Variants in SLC9A9 observed in about 807,000 individuals in gnomAD.
The protein encoded by SLC9A9 is solute carrier family 9 member A9.
Under a neutral mutation model 77.8 loss-of-function variants are expected in SLC9A9, and 62 were observed. The observed-to-expected ratio is 0.80, with a 90% CI of 0.65 to 0.98. The LOEUF is 0.98. Among genes scored for constraint, SLC9A9 ranks in the 50% least tolerant of loss-of-function variants. The probability of loss-of-function intolerance (pLI) is 0.00; values close to 1 mark genes in which losing one functional copy is unlikely to be tolerated. For synonymous variants in SLC9A9, 320 were observed against 283.5 expected (o/e 1.13, Z -1.29); for missense variants, 775 against 774.9 (o/e 1.00, Z 0.00).
intron 12 of SLC9A9, among the ~76,000 whole-genome samples, chr3:143,383,513 A>C (rs1443195731): frequency 6.6e-6 from 1 of 152,220 alleles, no homozygotes; most frequent in Non-Finnish European, 1.5e-5. Flanking sequence ...GTTGAACCCA[A>C]CTGTGTTGAA....
chr3:143,412,243 G>A (rs2034109039), intron 12 of SLC9A9, among the ~76,000 whole-genome samples: 1 of 152,062 alleles, frequency 6.6e-6, no homozygotes, highest in Non-Finnish European at 1.5e-5. Context: ...TGCTCTCCCT[G>A]ACAGGTCCTC....
intron 12 of SLC9A9, among the ~76,000 whole-genome samples, chr3:143,437,425 C>T (rs1023479404): frequency 6.6e-6 from 1 of 152,210 alleles, no homozygotes; most frequent in Non-Finnish European, 1.5e-5. Context: ...CACAGGATGG[C>T]TAGAGGAAGT....
At chr3:143,448,420 C>T (rs1468999940) in intron 12 of SLC9A9, among the ~76,000 whole-genome samples, 1 of 152,046 alleles carries the variant, frequency 6.6e-6, no homozygotes, top group Admixed American at 6.6e-5. Context: ...AGATGTTTTA[C>T]TGAATGAGGA....
At chr3:143,594,100 T>G (rs926774584) in intron 6 of SLC9A9, among the ~76,000 whole-genome samples, 5 of 152,118 alleles carry the variant, frequency 3.3e-5, no homozygotes, top group Non-Finnish European at 5.9e-5. Context: ...AAAAAAGAGC[T>G]TAATTGGTAA....
At chr3:143,714,174 C>A (rs928269101) in intron 4 of SLC9A9, among the ~76,000 whole-genome samples, 1 of 152,204 alleles carries the variant, frequency 6.6e-6, no homozygotes, top group Non-Finnish European at 1.5e-5. Context: ...TCCCAGATGA[C>A]CATACAGAAA....
chr3:143,491,765 G>A (rs1320402310), intron 11 of SLC9A9, among the ~76,000 whole-genome samples: 2 of 152,108 alleles, frequency 1.3e-5, no homozygotes, highest in East Asian at 3.9e-4. Flanking sequence ...GTCAAATAAA[G>A]CAATGTTTAA....
chr3:143,402,698 G>A (rs1035195583), intron 12 of SLC9A9, among the ~76,000 whole-genome samples: 18 of 150,506 alleles, frequency 1.2e-4, no homozygotes, highest in African/African-American at 4.4e-4. Context: ...TTGTTTGCAT[G>A]GTGTATCTTT....
chr3:143,286,446 C>T (rs1318871124), intron 14 of SLC9A9, among the ~76,000 whole-genome samples: 1 of 152,148 alleles, frequency 6.6e-6, no homozygotes, highest in Non-Finnish European at 1.5e-5. Flanking sequence ...CACAGGAGCC[C>T]GATGCCATTC....
intron 12 of SLC9A9, among the ~76,000 whole-genome samples, chr3:143,433,005 A>T (rs772432847): frequency 1.4e-4 from 22 of 152,350 alleles, no homozygotes; most frequent in Non-Finnish European, 2.9e-4. Context: ...CAGCAGCACC[A>T]ATCAGCCCTG....
intron 5 of SLC9A9, among the ~76,000 whole-genome samples, chr3:143,667,110 C>T (rs905241216): frequency 6.6e-6 from 1 of 152,192 alleles, no homozygotes; most frequent in African/African-American, 2.4e-5. Context: ...ACTAAAACAG[C>T]ATGGTACTGG....
intron 1 of SLC9A9, among the ~76,000 whole-genome samples, chr3:143,836,386 G>A (rs1341287100): frequency 6.6e-6 from 1 of 152,128 alleles, no homozygotes; most frequent in Non-Finnish European, 1.5e-5. Context: ...GGGCAGAATT[G>A]TAGCCCAACT....
chr3:143,454,534 C>T (rs1408533336), intron 12 of SLC9A9, among the ~76,000 whole-genome samples: 2 of 151,996 alleles, frequency 1.3e-5, no homozygotes, highest in Non-Finnish European at 2.9e-5. Flanking sequence ...ATTTTTTGGC[C>T]TACGGATATT....
chr3:143,363,434 A>C, intron 14 of SLC9A9, 50 bp downstream of exon 14: 1 of 1,545,570 alleles, frequency 6.5e-7, no homozygotes, highest in Non-Finnish European at 8.9e-7. Flanking sequence ...AGCTTAAAGT[A>C]ATTCTCTGCC....
intron 4 of SLC9A9, among the ~76,000 whole-genome samples, chr3:143,775,913 G>T (rs1046758372): frequency 9.2e-5 from 14 of 152,042 alleles, no homozygotes; most frequent in African/African-American, 2.7e-4. Flanking sequence ...ACACACCGTG[G>T]TGCCTTTAAG....
intron 1 of SLC9A9, among the ~76,000 whole-genome samples, chr3:143,842,544 C>T (rs570629816): frequency 6.6e-6 from 1 of 152,298 alleles, no homozygotes; most frequent in South Asian, 2.1e-4. Flanking sequence ...AAGTTTTTTA[C>T]ACCAAAAGGG....
intron 12 of SLC9A9, among the ~76,000 whole-genome samples, chr3:143,403,189 G>A (rs955780510): frequency 2.6e-5 from 4 of 151,894 alleles, no homozygotes; most frequent in African/African-American, 7.2e-5. Context: ...TATTTACAAA[G>A]TTTTTCTATT....
intron 6 of SLC9A9, among the ~76,000 whole-genome samples, chr3:143,642,473 C>A (rs564494366): frequency 1.1e-4 from 16 of 152,238 alleles, no homozygotes; most frequent in Admixed American, 2.0e-4. Flanking sequence ...CTCTGTTGCT[C>A]AAATAGACTC....
chr3:143,375,464 G>T (rs1187445351), intron 13 of SLC9A9, among the ~76,000 whole-genome samples: 1 of 152,194 alleles, frequency 6.6e-6, no homozygotes, highest in East Asian at 1.9e-4. Context: ...TCAGCCTCAA[G>T]AAACCTTGCC....
intron 5 of SLC9A9, among the ~76,000 whole-genome samples, chr3:143,679,227 AT>A (rs1469601411): frequency 3.9e-5 from 6 of 152,240 alleles, no homozygotes; most frequent in Non-Finnish European, 8.8e-5. Context: ...CACACAAAGC[AT>A]GCACAACTGG....
Sources: gnomAD v4.1 joint callset for allele counts (sites outside exome capture counted in the v4.1 genomes callset) on GRCh38, gnomAD v4.1.1 for gene constraint, MANE v1.5 for transcripts, NCBI Gene and HGNC (gene_info 2026-07-23, HGNC 2026-07-21) for gene names.